Variants in RFFL observed in about 807,000 individuals in gnomAD.
The protein encoded by RFFL is ring finger and FYVE like domain containing E3 ubiquitin protein ligase, also known as E3 ubiquitin-protein ligase rififylin.
RFFL carries 16 observed loss-of-function variants against 40.4 expected under a neutral mutation model. The ratio of observed to expected loss-of-function variants is 0.40; its 90% CI spans 0.27 to 0.60. RFFL has a LOEUF of 0.60. Ranked by LOEUF, RFFL falls within the 20% of genes least tolerant of loss-of-function variation. The probability of loss-of-function intolerance (pLI) is 0.47; values close to 1 mark genes in which losing one functional copy is unlikely to be tolerated. For synonymous variants in RFFL, 154 were observed against 167.9 expected (o/e 0.92, Z 0.64); for missense variants, 367 against 451.7 (o/e 0.81, Z 1.70).
intron 1 of RFFL, among the ~76,000 whole-genome samples, chr17:35,051,156 A>T (rs1054663987): frequency 2.0e-5 from 3 of 152,202 alleles, no homozygotes; most frequent in Non-Finnish European, 2.9e-5. Context: ...ACTAGGATAA[A>T]CAACCATGCC....
chr17:35,030,217 T>C (rs1367570409), intron 1 of RFFL, among the ~76,000 whole-genome samples: 1 of 149,302 alleles, frequency 6.7e-6, no homozygotes, highest in East Asian at 1.9e-4. Flanking sequence ...AGTAATGGGA[T>C]GGCTGGGTCA....
At chr17:35,084,278 T>C (rs762788449) in intron 1 of RFFL, among the ~76,000 whole-genome samples, 1 of 151,762 alleles carries the variant, frequency 6.6e-6, no homozygotes, top group Non-Finnish European at 1.5e-5. Flanking sequence ...TTTTTGAAAA[T>C]AAAGATGCAA....
At chr17:35,013,256 G>A (rs1038016582) in intron 6 of RFFL, among the ~76,000 whole-genome samples, 1 of 152,226 alleles carries the variant, frequency 6.6e-6, no homozygotes, top group Non-Finnish European at 1.5e-5. Context: ...ATGGCCTTCT[G>A]CCTAACTGCC....
At chr17:35,079,099 T>C (rs541448840) in intron 1 of RFFL, among the ~76,000 whole-genome samples, 3 of 152,266 alleles carry the variant, frequency 2.0e-5, no homozygotes, top group South Asian at 4.1e-4. Flanking sequence ...AACTCGAATA[T>C]GGTATATCGA....
intron 6 of RFFL, among the ~76,000 whole-genome samples, chr17:35,012,616 G>T (rs1003404143): frequency 6.6e-6 from 1 of 152,148 alleles, no homozygotes; most frequent in Non-Finnish European, 1.5e-5. Flanking sequence ...GGATCACAAG[G>T]CTTTATCTAT....
At chr17:35,037,557 T>A (rs1024796013) in intron 1 of RFFL, among the ~76,000 whole-genome samples, 8 of 152,240 alleles carry the variant, frequency 5.3e-5, no homozygotes, top group African/African-American at 1.7e-4. Flanking sequence ...TGCCAGGCAC[T>A]GAGATAGGTA....
At chr17:35,059,732 T>A (rs1255421123) in intron 1 of RFFL, among the ~76,000 whole-genome samples, 1 of 152,214 alleles carries the variant, frequency 6.6e-6, no homozygotes, top group African/African-American at 2.4e-5. Context: ...GAAGAATAAT[T>A]AATAAAAATC....
intron 1 of RFFL, chr17:35,069,375 G>A: frequency 2.2e-6 from 1 of 456,374 alleles, no homozygotes. Context: ...AAGTAGATAA[G>A]ATTACCTGTT....
intron 1 of RFFL, among the ~76,000 whole-genome samples, chr17:35,052,698 C>A (rs554634508): frequency 5.9e-5 from 9 of 152,252 alleles, no homozygotes; most frequent in Non-Finnish European, 1.0e-4. Context: ...ATATTGAATG[C>A]CCACTATGTG....
rs1435460984 is a variant in RFFL, at chr17:35,010,830, C to G, written c.*1138G>C. The G allele has an allele frequency of 6.6e-6, 1 of 152,076 alleles. No homozygotes were observed. The highest frequency in any genetic ancestry group is 1.5e-5 in the Non-Finnish European group (1 of 68,040). 9.4% of individuals were successfully genotyped at this position (152,076 alleles called of 1,614,324 possible). On this transcript the variant is annotated 3_prime_UTR_variant, in exon 7 of 7. Transcript: ENST00000394597. ...AGGGAATGAAAGTAGGGTCTCCTCACTCCCCACCAACCTGGGAAATAAAGA... is the reference window on the plus strand; with the variant it reads ...AGGGAATGAAAGTAGGGTCTCCTCAGTCCCCACCAACCTGGGAAATAAAGA...
intron 1 of RFFL, chr17:35,069,304 G>C: frequency 2.2e-6 from 1 of 456,606 alleles, no homozygotes; most frequent in Middle Eastern, 3.3e-4. Context: ...CTTTGTTCAT[G>C]TCCCCAAGTC....
intron 1 of RFFL, chr17:35,069,171 T>G (rs368722557): frequency 6.8e-6 from 3 of 442,678 alleles, no homozygotes; most frequent in South Asian, 4.8e-5. Flanking sequence ...TGAATTCGTC[T>G]CTTCTCCTAA....
chr17:35,006,314 T>A lies in RFFL; in HGVS notation c.*5654A>T, dbSNP rs1221253158. 1 of 155,122 alleles carries A rather than the reference T, an allele frequency of 6.4e-6. No homozygotes were observed. Among genetic ancestry groups the A allele is most frequent in the Non-Finnish European group, 1.4e-5 (1 of 70,188 alleles). The allele number at this position is 155,122 out of a possible 1,614,324, so 9.6% of individuals were successfully genotyped here. ...ACTGAAGTTCTTATTTTAATTCAAC[T>A]TCAAATGGTCACATGTCACTAGTGA... is the stretch of plus-strand genomic sequence containing the variant. On this transcript the variant is annotated 3_prime_UTR_variant, in exon 7 of 7. Coordinates refer to ENST00000394597, the MANE Select transcript of RFFL (RefSeq NM_001017368.2).
At chr17:35,067,495 C>A (rs181156741), upstream of RFFL, among the ~76,000 whole-genome samples, 417 of 142,572 alleles carry the variant, frequency 2.9e-3, 2 homozygotes, top group African/African-American at 0.01. Context: ...CTCGCTCTGT[C>A]GCCCAGGTTG....
intron 1 of RFFL, among the ~76,000 whole-genome samples, chr17:35,046,024 CAAA>C (rs369019064): frequency 7.9e-5 from 5 of 63,422 alleles, no homozygotes; most frequent in Admixed American, 1.8e-4. Flanking sequence ...GACTCTGTCT[CAAA>C]AAAAAAAAAA....
chr17:35,012,747 C>A (rs2090948867), intron 6 of RFFL, among the ~76,000 whole-genome samples: 1 of 152,174 alleles, frequency 6.6e-6, no homozygotes, highest in South Asian at 2.1e-4. Context: ...GATTACTGCT[C>A]CCTCTTTCTA....
At chr17:35,070,088 G>A (rs953354937) in intron 1 of RFFL, among the ~76,000 whole-genome samples, 15 of 151,458 alleles carry the variant, frequency 9.9e-5, no homozygotes, top group Admixed American at 8.6e-4. Flanking sequence ...GAGCGAGCAC[G>A]CACACATATA....
chr17:35,047,498 A>G (rs895526616), intron 1 of RFFL, among the ~76,000 whole-genome samples: 8 of 152,218 alleles, frequency 5.3e-5, no homozygotes, highest in African/African-American at 1.7e-4. Flanking sequence ...AATTGGCTGT[A>G]AATAATTTAA....
chr17:35,037,898 T>C (rs757263236), intron 1 of RFFL, among the ~76,000 whole-genome samples: 4 of 152,182 alleles, frequency 2.6e-5, no homozygotes, highest in Admixed American at 1.3e-4. Flanking sequence ...CTCTTCTTTG[T>C]CATAATGGAA....
Sources: gnomAD v4.1 joint callset for allele counts (sites outside exome capture counted in the v4.1 genomes callset) on GRCh38, gnomAD v4.1.1 for gene constraint, MANE v1.5 for transcripts, NCBI Gene and HGNC (gene_info 2026-07-23, HGNC 2026-07-21) for gene names.